The following EDN1 variants were observed in gnomAD, a reference collection of about 807,000 sequenced individuals.
EDN1 encodes endothelin-1.
In EDN1, 11 loss-of-function variants were observed where a neutral mutation model predicts 21.7. The ratio of observed to expected loss-of-function variants is 0.51; its 90% CI spans 0.32 to 0.84. The LOEUF (loss-of-function observed/expected upper bound fraction) is 0.84, where lower values mean the gene tolerates loss of function less well. EDN1 is among the 40% of genes least tolerant of loss of function. The pLI is 0.03. For missense variants in EDN1, 244 were observed against 262.3 expected (o/e 0.93, Z 0.48); for synonymous variants, 85 against 90.6 (o/e 0.94, Z 0.35).
At chr6:12,233,031 G>A in the EDN1 span, among the ~76,000 whole-genome samples, 451 of 152,312 alleles carry the variant, frequency 3.0e-3, 1 homozygote, top group African/African-American at 0.01. Flanking sequence ...AACAATCTTA[G>A]AGCTAATCCT....
upstream of EDN1, among the ~76,000 whole-genome samples, chr6:12,288,712 G>A (rs764366810): frequency 2.2e-4 from 34 of 152,220 alleles, 1 homozygote; most frequent in South Asian, 2.1e-4. Context: ...GACTTCGAGG[G>A]AGGTCTGGGG....
the EDN1 span, among the ~76,000 whole-genome samples, chr6:12,230,680 A>C: frequency 6.6e-6 from 1 of 152,134 alleles, no homozygotes; most frequent in Non-Finnish European, 1.5e-5. Flanking sequence ...CTCAGGTAGG[A>C]ACGTGTGGGT....
At position 12,296,185 on chromosome 6, in the gene EDN1, C is replaced by CAA; in HGVS notation, c.*120_*121dup. The CAA allele has an allele frequency of 1.1e-6, 1 of 917,326 alleles. No individual in the cohort carries two copies. Among genetic ancestry groups the CAA allele is most frequent in the South Asian group, 1.3e-5 (1 of 76,394 alleles). 56.8% of individuals were successfully genotyped at this position (917,326 alleles called of 1,614,324 possible). A position where few individuals can be genotyped will look rare whatever the true frequency, so the allele number is the denominator to read the frequency against. ...GCATCCTCTGCTGGTTCCTGACTGG[C>CAA]AAAGGACCAGCGTCCTCGTTCAAAA... On this transcript the variant is annotated 3_prime_UTR_variant, in exon 5 of 5. Coordinates refer to ENST00000379375, the MANE Select transcript of EDN1 (RefSeq NM_001955.5).
the EDN1 span, among the ~76,000 whole-genome samples, chr6:12,266,398 G>A: frequency 6.7e-3 from 1,014 of 152,272 alleles, 5 homozygotes; most frequent in Non-Finnish European, 0.011. Flanking sequence ...AGCAGAGCAG[G>A]AGGGAAGAAC....
chr6:12,279,131 A>C, the EDN1 span, among the ~76,000 whole-genome samples: 1 of 152,104 alleles, frequency 6.6e-6, no homozygotes, highest in Non-Finnish European at 1.5e-5. Flanking sequence ...ATAACTTGTC[A>C]ATTTTTATTT....
chr6:12,236,424 T>A, the EDN1 span, among the ~76,000 whole-genome samples: 1 of 146,022 alleles, frequency 6.8e-6, no homozygotes, highest in East Asian at 1.9e-4. Context: ...CACTAGGCTA[T>A]TTTTTTTGTA....
the EDN1 span, among the ~76,000 whole-genome samples, chr6:12,280,310 A>C: frequency 6.6e-6 from 1 of 152,238 alleles, no homozygotes; most frequent in Non-Finnish European, 1.5e-5. Flanking sequence ...TTTTAATAAT[A>C]TAAAAACATA....
Position 12,294,247 on chromosome 6 carries a change from G to A in EDN1, c.390-14G>A. The A allele has an allele frequency of 6.2e-7, 1 of 1,614,130 alleles. No homozygotes were observed. The highest frequency in any genetic ancestry group is 8.5e-7 in the Non-Finnish European group (1 of 1,180,000). ...TAACATTGCTGAAATGTTTTTCCTT[G>A]TGTATTTTAACAGGGCTGAAGACAT... On this transcript the variant is annotated splice_polypyrimidine_tract_variant and intron_variant, in intron 3 of 4. Coordinates refer to ENST00000379375, the MANE Select transcript of EDN1 (RefSeq NM_001955.5).
chr6:12,248,232 C>T, the EDN1 span, among the ~76,000 whole-genome samples: 1 of 152,180 alleles, frequency 6.6e-6, no homozygotes, highest in Non-Finnish European at 1.5e-5. Context: ...ACAGCCTTGA[C>T]ATGGAGCAAG....
chr6:12,278,218 C>A, the EDN1 span, among the ~76,000 whole-genome samples: 2 of 152,084 alleles, frequency 1.3e-5, no homozygotes, highest in Admixed American at 6.5e-5. Context: ...TCATAGTGAA[C>A]CTTCAGAAAG....
intron 4 of EDN1, among the ~76,000 whole-genome samples, chr6:12,295,171 A>C (rs761116532): frequency 6.6e-6 from 1 of 152,050 alleles, no homozygotes. Context: ...TTTTTCTATC[A>C]TGGTCTATGG....
the EDN1 span, among the ~76,000 whole-genome samples, chr6:12,234,952 A>G: frequency 6.6e-6 from 1 of 152,210 alleles, no homozygotes; most frequent in Admixed American, 6.5e-5. Context: ...GGACAATTAC[A>G]GTGCTTCCTG....
At chr6:12,288,515 C>A (rs1762603444), upstream of EDN1, among the ~76,000 whole-genome samples, 1 of 123,276 alleles carries the variant, frequency 8.1e-6, no homozygotes, top group South Asian at 2.3e-4. Flanking sequence ...CAGCGGAGGC[C>A]AGGGGCCCCG....
the EDN1 span, among the ~76,000 whole-genome samples, chr6:12,263,375 T>A: frequency 6.6e-6 from 1 of 152,184 alleles, no homozygotes; most frequent in Non-Finnish European, 1.5e-5. Flanking sequence ...AAAAAGAATC[T>A]GTTACAAAAA....
At chr6:12,283,483 CATACA>C in the EDN1 span, among the ~76,000 whole-genome samples, 2 of 152,118 alleles carry the variant, frequency 1.3e-5, no homozygotes, top group Non-Finnish European at 2.9e-5. Flanking sequence ...GATTTGAACT[CATACA>C]ATATTTCCTA....
Position 12,294,380 on chromosome 6 carries a change from C to A in EDN1, c.509C>A (p.Ser170Ter). ...AGAGGAAGAAAAATCAGAAGAAGTT[C>A]AGAGGAACACCTAAGACAAACCAGG... ...LVRGRKIRRS[S>*]EEHLRQTRSE... Residue 170 changes from serine to a stop codon, truncating the protein, a stop_gained, in exon 4 of 5, where the codon TCA becomes TAA. Coordinates refer to ENST00000379375, the MANE Select transcript of EDN1 (RefSeq NM_001955.5). LOFTEE classifies it high-confidence loss of function. The A allele has an allele frequency of 6.2e-7, 1 of 1,614,016 alleles. No homozygotes were observed. Among genetic ancestry groups the A allele is most frequent in the South Asian group, 1.1e-5 (1 of 91,050 alleles).
the EDN1 span, among the ~76,000 whole-genome samples, chr6:12,279,541 G>T: frequency 3.2e-4 from 49 of 152,334 alleles, no homozygotes; most frequent in African/African-American, 9.6e-4. Flanking sequence ...GCGGTCAGAG[G>T]TCAGAGAGCG....
the EDN1 span, among the ~76,000 whole-genome samples, chr6:12,239,538 A>G: frequency 6.6e-6 from 1 of 152,138 alleles, no homozygotes; most frequent in Non-Finnish European, 1.5e-5. Context: ...TCTCATCCCT[A>G]CCTGCAATAA....
chr6:12,275,765 T>A, the EDN1 span, among the ~76,000 whole-genome samples: 1 of 151,712 alleles, frequency 6.6e-6, no homozygotes, highest in Non-Finnish European at 1.5e-5. Context: ...GACTCACTCT[T>A]TGAGCGAGAG....
Sources: allele counts gnomAD v4.1 joint callset (sites outside exome capture counted in the v4.1 genomes callset), GRCh38; gene constraint gnomAD v4.1.1; transcripts MANE v1.5; gene names NCBI Gene and HGNC (gene_info 2026-07-23, HGNC 2026-07-21).